SLC4A4: variants seen among roughly 807,000 people sequenced by gnomAD.
The protein encoded by SLC4A4 is electrogenic sodium bicarbonate cotransporter 1.
A neutral mutation model predicts 111.5 loss-of-function variants in SLC4A4; 27 were observed. The observed-to-expected ratio is 0.24, with a 90% confidence interval of 0.18 to 0.33. The LOEUF (loss-of-function observed/expected upper bound fraction) is 0.33, where lower values mean the gene tolerates loss of function less well. Ranked by LOEUF, SLC4A4 falls within the 10% of genes least tolerant of loss-of-function variation. The pLI, the probability that SLC4A4 is intolerant of heterozygous loss-of-function variation, is 1.00. For missense variants in SLC4A4, 909 were observed against 1,315.5 expected, an observed-to-expected ratio of 0.69 and a Z score of 4.78; for synonymous variants, 443 against 463.4, an observed-to-expected ratio of 0.96 and a Z score of 0.57.
At chr4:71,298,861 T>C (rs140342558) in intron 3 of SLC4A4, among the ~76,000 whole-genome samples, 2,428 of 152,336 alleles carry the variant, frequency 0.016, 30 homozygotes, top group Non-Finnish European at 0.02. Context: ...ATTTCATTGA[T>C]TGGCTCTATC....
intron 2 of SLC4A4, among the ~76,000 whole-genome samples, chr4:71,103,252 A>C (rs1742812690): frequency 6.6e-6 from 1 of 151,422 alleles, no homozygotes; most frequent in African/African-American, 2.4e-5. Flanking sequence ...CCAATACAGG[A>C]GCACCCAGAT....
intron 1 of SLC4A4, among the ~76,000 whole-genome samples, chr4:71,231,176 T>C (rs1322153992): frequency 6.6e-6 from 1 of 152,198 alleles, no homozygotes; most frequent in African/African-American, 2.4e-5. Flanking sequence ...TTAGCAGCAC[T>C]GTGACGGGGC....
upstream of SLC4A4, among the ~76,000 whole-genome samples, chr4:71,183,895 CCA>C (rs1242830802): frequency 7.2e-5 from 11 of 152,164 alleles, no homozygotes; most frequent in African/African-American, 2.7e-4. Flanking sequence ...TTATCTCCTA[CCA>C]CCTTTCTGTT....
intron 20 of SLC4A4, among the ~76,000 whole-genome samples, chr4:71,549,044 C>T (rs1202777026): frequency 2.0e-5 from 3 of 151,804 alleles, no homozygotes; most frequent in Middle Eastern, 3.2e-3. Flanking sequence ...AAATATGTAT[C>T]TCATCTTAGA....
At chr4:71,208,663 G>C (rs1055003859) in intron 1 of SLC4A4, among the ~76,000 whole-genome samples, 2 of 151,732 alleles carry the variant, frequency 1.3e-5, no homozygotes, top group African/African-American at 4.8e-5. Flanking sequence ...TATTAATTAT[G>C]GTTTTCTTTC....
At chr4:71,473,075 G>T (rs758189161) in intron 14 of SLC4A4, 105 bp downstream of exon 14, 1 of 1,298,592 alleles carries the variant, frequency 7.7e-7, no homozygotes, top group South Asian at 1.2e-5. Context: ...TCAGGAATTA[G>T]TCTTGTTTTT....
intron 3 of SLC4A4, among the ~76,000 whole-genome samples, chr4:71,256,890 C>T (rs925909837): frequency 6.6e-6 from 1 of 152,214 alleles, no homozygotes; most frequent in Non-Finnish European, 1.5e-5. Context: ...TCTCTCCTCT[C>T]TGTGTCTTTT....
chr4:71,149,288 C>A (rs1460908995), intron 2 of SLC4A4, among the ~76,000 whole-genome samples: 1 of 151,762 alleles, frequency 6.6e-6, no homozygotes, highest in African/African-American at 2.4e-5. Context: ...AGTAAAGGCC[C>A]CAAAATAGAT....
At chr4:71,381,547 C>T (rs1475593615) in intron 6 of SLC4A4, among the ~76,000 whole-genome samples, 2 of 152,164 alleles carry the variant, frequency 1.3e-5, no homozygotes, top group Non-Finnish European at 2.9e-5. Flanking sequence ...ATAATTTTAT[C>T]ATACCCAGTT....
chr4:71,404,016 C>T lies in SLC4A4; in HGVS notation c.807+6363C>T, dbSNP rs116064934. 4.6e-3 allele frequency among the ~76,000 whole-genome samples: 706 copies of T among 152,120 alleles called. 6 individuals are homozygous for T. Among genetic ancestry groups the T allele is most frequent in the African/African-American group, 0.016 (677 of 41,518 alleles). On this transcript the variant is annotated intron_variant, in intron 7 of 25. Coordinates refer to ENST00000264485, the MANE Select transcript of SLC4A4 (RefSeq NM_001098484.3). Reference sequence around the variant, plus strand: ...AAGTTCTTCTGTGCCATAGAAATATCGTAAGAAAGAAAAAGAGTTTCCCAG... The same window carrying T: ...AAGTTCTTCTGTGCCATAGAAATATTGTAAGAAAGAAAAAGAGTTTCCCAG...
At chr4:71,098,072 T>C (rs4694372) in intron 2 of SLC4A4, among the ~76,000 whole-genome samples, 150,439 of 152,300 alleles carry the variant, frequency 0.99, 74,333 homozygotes, top group Non-Finnish European at 1. Flanking sequence ...TGATGGCTTC[T>C]GGCATCTTTG....
At chr4:71,438,915 A>T (rs1156250803) in intron 7 of SLC4A4, among the ~76,000 whole-genome samples, 1 of 152,114 alleles carries the variant, frequency 6.6e-6, no homozygotes, top group Non-Finnish European at 1.5e-5. Flanking sequence ...CCAAATAAGA[A>T]ATTTGATGGA....
intron 2 of SLC4A4, among the ~76,000 whole-genome samples, chr4:71,108,193 A>C (rs1742996996): frequency 6.6e-6 from 1 of 152,168 alleles, no homozygotes; most frequent in African/African-American, 2.4e-5. Flanking sequence ...TGTAACCAAA[A>C]TTATCGTAGT....
chr4:71,427,550 G>T (rs1384584026), intron 7 of SLC4A4, among the ~76,000 whole-genome samples: 2 of 151,912 alleles, frequency 1.3e-5, no homozygotes, highest in African/African-American at 4.8e-5. Flanking sequence ...TCTAATTTCT[G>T]TTTTTACCCC....
chr4:71,335,780 G>A (rs1488746977), intron 3 of SLC4A4, among the ~76,000 whole-genome samples: 1 of 151,670 alleles, frequency 6.6e-6, no homozygotes, highest in Non-Finnish European at 1.5e-5. Flanking sequence ...AGCTGAGTTA[G>A]CGCCACTGCA....
intron 1 of SLC4A4, among the ~76,000 whole-genome samples, chr4:71,087,217 T>C (rs1742204361): frequency 2.0e-5 from 3 of 152,088 alleles, no homozygotes; most frequent in African/African-American, 7.3e-5. Flanking sequence ...TATTCTCTGA[T>C]GGTAGTTTGT....
chr4:71,270,924 T>TA (rs1437357113), intron 3 of SLC4A4, among the ~76,000 whole-genome samples: 4 of 152,196 alleles, frequency 2.6e-5, no homozygotes, highest in Non-Finnish European at 4.4e-5. Context: ...TTGAGATACT[T>TA]ACTGAATTTG....
chr4:71,270,838 GGGGAACAAA>G (rs1251501760), intron 3 of SLC4A4, among the ~76,000 whole-genome samples: 1 of 152,194 alleles, frequency 6.6e-6, no homozygotes, highest in African/African-American at 2.4e-5. Context: ...TAGGCTCATT[GGGGAACAAA>G]CCATGGTCTC....
At chr4:71,063,220 A>T (rs2148926831) in intron 1 of SLC4A4, among the ~76,000 whole-genome samples, 1 of 152,298 alleles carries the variant, frequency 6.6e-6, no homozygotes, top group Admixed American at 6.5e-5. Context: ...GATCATTTTA[A>T]ACGAGCATAC....
Sources: allele counts gnomAD v4.1 joint callset (sites outside exome capture counted in the v4.1 genomes callset), GRCh38; gene constraint gnomAD v4.1.1; transcripts MANE v1.5; gene names NCBI Gene and HGNC (gene_info 2026-07-23, HGNC 2026-07-21).